Variants in WDPCP observed in about 807,000 individuals in gnomAD.
WDPCP encodes the protein WD repeat containing planar cell polarity effector, also known as WD repeat-containing and planar cell polarity effector protein fritz homolog.
A neutral mutation model predicts 93.1 loss-of-function variants in WDPCP; 71 were observed. That is an observed-to-expected ratio of 0.76 (90% CI 0.63 to 0.93). The LOEUF (loss-of-function observed/expected upper bound fraction) is 0.93, where lower values mean the gene tolerates loss of function less well. Ranked by LOEUF, WDPCP falls within the 40% of genes least tolerant of loss-of-function variation. The probability of loss-of-function intolerance (pLI) is 0.00; values close to 1 mark genes in which losing one functional copy is unlikely to be tolerated. For missense variants in WDPCP, 844 were observed against 887.4 expected (o/e 0.95, Z 0.62); for synonymous variants, 315 against 315.0 (o/e 1.00, Z 0.00).
chr2:63,415,342 G>C (rs1458750923), intron 9 of WDPCP, among the ~76,000 whole-genome samples: 9 of 152,146 alleles, frequency 5.9e-5, no homozygotes, highest in Non-Finnish European at 1.3e-4. Flanking sequence ...CAGGCTGGGT[G>C]ACAAAGCAAG....
At position 63,433,858 on chromosome 2, in the gene WDPCP, C is replaced by G. The variant is rs1382478236; in HGVS notation, c.712G>C (p.Val238Leu). 6.2e-6 allele frequency: 10 copies of G among 1,613,940 alleles called. No homozygotes were observed. In the East Asian group the frequency reaches 2.2e-4, roughly 36 times the overall value. The change falls in exon 9 of 18, where the codon GTT becomes CTT. Residue 238 changes from valine (V) to leucine (L), a missense_variant. Transcript: ENST00000272321. Reference sequence around the variant, plus strand: ...TTGACCAGTGGCCACCAGCAAACAACTCTATCATGAACACAGTTGATAGCT... The same window carrying G: ...TTGACCAGTGGCCACCAGCAAACAAGTCTATCATGAACACAGTTGATAGCT... ...HLAINCVHDR[V>L]VCWWPLVNDD...
intron 3 of WDPCP, among the ~76,000 whole-genome samples, chr2:63,641,708 G>C (rs1709982191): frequency 6.6e-6 from 1 of 151,994 alleles, no homozygotes; most frequent in Non-Finnish European, 1.5e-5. Context: ...TTGTCAGATG[G>C]GCAGCTTGCA....
At chr2:63,816,717 A>C (rs1670937509) in intron 1 of WDPCP, among the ~76,000 whole-genome samples, 1 of 152,184 alleles carries the variant, frequency 6.6e-6, no homozygotes, top group South Asian at 2.1e-4. Flanking sequence ...GTCATTTGTT[A>C]AGGCAGCCCT....
intron 1 of WDPCP, among the ~76,000 whole-genome samples, chr2:63,815,645 G>A (rs1007107847): frequency 1.3e-5 from 2 of 152,196 alleles, no homozygotes; most frequent in Admixed American, 1.3e-4. Flanking sequence ...CGGACCAGTA[G>A]TATAGTTGGC....
chr2:63,790,597 T>C (rs150492546), intron 2 of WDPCP, among the ~76,000 whole-genome samples: 2 of 152,244 alleles, frequency 1.3e-5, no homozygotes, highest in Non-Finnish European at 2.9e-5. Flanking sequence ...AGTCGTATAA[T>C]AGACAGTAGG....
chr2:63,376,092 G>C (rs1275179056), intron 12 of WDPCP, among the ~76,000 whole-genome samples: 1 of 151,878 alleles, frequency 6.6e-6, no homozygotes, highest in East Asian at 1.9e-4. Flanking sequence ...CTGAGCATGA[G>C]AACTTCTTGG....
chr2:63,152,443 T>G (rs973300128), intron 17 of WDPCP, among the ~76,000 whole-genome samples: 1 of 152,024 alleles, frequency 6.6e-6, no homozygotes. Context: ...CTGGCTAATT[T>G]TTGTATTTTT....
chr2:63,508,370 T>G (rs998333982), intron 1 of WDPCP, among the ~76,000 whole-genome samples: 2 of 152,022 alleles, frequency 1.3e-5, no homozygotes, highest in African/African-American at 4.8e-5. Flanking sequence ...AAATCCTTTA[T>G]AGACAAGCAA....
At chr2:63,807,860 T>C (rs1394755964) in intron 2 of WDPCP, among the ~76,000 whole-genome samples, 2 of 152,210 alleles carry the variant, frequency 1.3e-5, no homozygotes, top group Admixed American at 1.3e-4. Flanking sequence ...TTCTAATTTA[T>C]AGTATTTTTA....
At chr2:63,831,683 G>T (rs796838034), upstream of WDPCP, among the ~76,000 whole-genome samples, 2 of 148,326 alleles carry the variant, frequency 1.3e-5, no homozygotes, top group Admixed American at 6.7e-5. Context: ...ATTTGTGTGT[G>T]TATATATATA....
chr2:63,323,500 C>A (rs1687283429), intron 12 of WDPCP, among the ~76,000 whole-genome samples: 1 of 152,094 alleles, frequency 6.6e-6, no homozygotes, highest in Non-Finnish European at 1.5e-5. Flanking sequence ...TATGGGGAGC[C>A]TCAGAAATTG....
intron 13 of WDPCP, among the ~76,000 whole-genome samples, chr2:63,287,301 T>C (rs1301038776): frequency 6.6e-6 from 1 of 152,198 alleles, no homozygotes; most frequent in East Asian, 1.9e-4. Flanking sequence ...ATTCTTTTTT[T>C]TTTTTTGGCT....
chr2:63,696,779 A>G (rs903014434), intron 2 of WDPCP, among the ~76,000 whole-genome samples: 3 of 152,234 alleles, frequency 2.0e-5, no homozygotes, highest in African/African-American at 7.2e-5. Context: ...TTTGGCAAGG[A>G]CCACCAAATA....
At chr2:63,375,506 GA>G (rs1486215109) in intron 12 of WDPCP, among the ~76,000 whole-genome samples, 2 of 151,640 alleles carry the variant, frequency 1.3e-5, no homozygotes, top group African/African-American at 2.4e-5. Context: ...CATTTCTAGG[GA>G]GCATTTCTTT....
chr2:63,404,247 G>T lies in WDPCP; in HGVS notation c.1236C>A (p.Asn412Lys). 6.2e-7 allele frequency: 1 copy of T among 1,613,682 alleles called. No homozygotes were observed. Among genetic ancestry groups the T allele is most frequent in the Non-Finnish European group, 8.5e-7 (1 of 1,179,708 alleles). Residue 412 changes from asparagine to lysine, a missense_variant, in exon 10 of 18, where the codon AAC becomes AAA. Transcript: ENST00000272321. ...AGCGGTCTTCAGCCAACAGTTGGAT[G>T]TTAATAGGGGATAGAGCCATATCAA... Reference protein sequence around the residue: ...QIFDMALSPINIQLLAEDRLP... With the variant: ...QIFDMALSPIKIQLLAEDRLP...
intron 13 of WDPCP, among the ~76,000 whole-genome samples, chr2:63,273,752 G>A (rs996128971): frequency 6.6e-6 from 1 of 151,300 alleles, no homozygotes; most frequent in Non-Finnish European, 1.5e-5. Flanking sequence ...AATGATGAAG[G>A]GATCATTTCA....
chr2:63,153,006 T>A (rs1044479841), intron 16 of WDPCP, 61 bp from the exon 17 acceptor site: 1 of 1,427,874 alleles, frequency 7.0e-7, no homozygotes, highest in African/African-American at 1.4e-5. Flanking sequence ...CTTAAGAAAA[T>A]TTTTTTACAA....
chr2:63,269,639 ATGT>A (rs1682459760), intron 13 of WDPCP, among the ~76,000 whole-genome samples: 1 of 152,174 alleles, frequency 6.6e-6, no homozygotes, highest in Admixed American at 6.5e-5. Context: ...TAACATATTG[ATGT>A]TGTTATAACC....
At chr2:63,169,525 T>C (rs1272600710) in intron 15 of WDPCP, among the ~76,000 whole-genome samples, 1 of 152,258 alleles carries the variant, frequency 6.6e-6, no homozygotes, top group Admixed American at 6.5e-5. Flanking sequence ...TATACTCTTA[T>C]ATTTCAATGA....
Sources: gnomAD v4.1 joint callset for allele counts (sites outside exome capture counted in the v4.1 genomes callset) on GRCh38, gnomAD v4.1.1 for gene constraint, MANE v1.5 for transcripts, NCBI Gene and HGNC (gene_info 2026-07-23, HGNC 2026-07-21) for gene names.